TRIM33: variants seen among roughly 807,000 people sequenced by gnomAD.
TRIM33 encodes tripartite motif containing 33.
A neutral mutation model predicts 125.4 loss-of-function variants in TRIM33; 20 were observed. The ratio of observed to expected loss-of-function variants is 0.16; its 90% confidence interval spans 0.11 to 0.23. The LOEUF is 0.23. TRIM33 is among the 10% of genes least tolerant of loss of function. The pLI is 1.00. For missense variants in TRIM33, 920 were observed against 1,411.4 expected (o/e 0.65, Z 5.58); for synonymous variants, 564 against 513.9 (o/e 1.10, Z -1.32).
At position 114,394,105 on chromosome 1, in the gene TRIM33, G is replaced by A. The variant is rs1651417928; in HGVS notation, c.*3543C>T. On this transcript the variant is annotated 3_prime_UTR_variant, in exon 20 of 20. Coordinates refer to ENST00000358465, the MANE Select transcript of TRIM33 (RefSeq NM_015906.4). ...GCAGATCATTAACATAGATGGTACA[G>A]AAATTAAGAATTCATGGTATGAATT... The A allele has an allele frequency of 4.4e-6, 1 of 228,194 alleles. No individual in the cohort carries two copies. The highest frequency in any genetic ancestry group is 2.2e-5 in the African/African-American group (1 of 45,050). The allele number at this position is 228,194 out of a possible 1,614,324, so 14.1% of individuals were successfully genotyped here.
At chr1:114,479,243 A>C (rs938197105) in intron 1 of TRIM33, among the ~76,000 whole-genome samples, 4 of 152,198 alleles carry the variant, frequency 2.6e-5, no homozygotes, top group African/African-American at 4.8e-5. Flanking sequence ...AAATAGAAAA[A>C]ATGTTTGAAG....
intron 6 of TRIM33, among the ~76,000 whole-genome samples, chr1:114,429,189 A>G (rs1483351231): frequency 6.7e-6 from 1 of 150,012 alleles, no homozygotes; most frequent in African/African-American, 2.4e-5. Flanking sequence ...GCACAAGAGT[A>G]CTTTTTTTTT....
chr1:114,476,487 A>T (rs1052813105), intron 1 of TRIM33, among the ~76,000 whole-genome samples: 8 of 152,036 alleles, frequency 5.3e-5, no homozygotes, highest in African/African-American at 1.9e-4. Flanking sequence ...TTTCCTTGAC[A>T]AATTTTTTAA....
Position 114,433,610 on chromosome 1 carries a change from A to G in TRIM33, c.1040+7T>C, listed in dbSNP as rs376965954. On this transcript the variant is annotated splice_region_variant and intron_variant, in intron 5 of 19. Coordinates refer to ENST00000358465, the MANE Select transcript of TRIM33 (RefSeq NM_015906.4). ...TTAAAATTATGGTTTTAAGGCAACA[A>G]ACTTACCTATTCTGCACCTGAGTAG... is the stretch of plus-strand genomic sequence containing the variant. The G allele has an allele frequency of 2.1e-5, 33 of 1,553,506 alleles. No homozygotes were observed. Among genetic ancestry groups the G allele is most frequent in the Non-Finnish European group, 2.8e-5 (32 of 1,141,200 alleles).
intron 4 of TRIM33, among the ~76,000 whole-genome samples, chr1:114,443,145 A>C (rs1648759539): frequency 6.7e-6 from 1 of 148,336 alleles, no homozygotes; most frequent in Non-Finnish European, 1.5e-5. Flanking sequence ...GCACTTTGGG[A>C]GGCTGAGGCA....
chr1:114,461,313 T>A (rs11102795), intron 4 of TRIM33, among the ~76,000 whole-genome samples: 2,890 of 146,688 alleles, frequency 0.02, 90 homozygotes, highest in African/African-American at 0.068. Flanking sequence ...ATTTTATATT[T>A]TATATATATA....
rs1056754494 is a variant in TRIM33 at position 114,420,359 on chromosome 1, G to C, written c.2061+1077C>G. The C allele has an allele frequency of 3.8e-6, 5 of 1,315,010 alleles. No homozygotes were observed. The Admixed American group carries it at 9.1e-5, about 24-fold the overall frequency. The allele number at this position is 1,315,010 out of a possible 1,614,324, so 81.5% of individuals were successfully genotyped here. Reference sequence around the variant, plus strand: ...ACTGACTACCCCTTTGGATCTAACAGAAGAACAACAAAGATCTAACCACAT... The same window carrying C: ...ACTGACTACCCCTTTGGATCTAACACAAGAACAACAAAGATCTAACCACAT... On this transcript the variant is annotated intron_variant, in intron 11 of 19. Transcript: ENST00000358465.
chr1:114,483,716 T>G (rs1271135774), intron 1 of TRIM33, among the ~76,000 whole-genome samples: 1 of 152,092 alleles, frequency 6.6e-6, no homozygotes, highest in Non-Finnish European at 1.5e-5. Flanking sequence ...CCGGCCCCAG[T>G]TGGTTTTAAT....
intron 1 of TRIM33, among the ~76,000 whole-genome samples, chr1:114,482,928 T>G (rs1651446684): frequency 1.3e-5 from 2 of 152,204 alleles, no homozygotes; most frequent in Admixed American, 1.3e-4. Flanking sequence ...TTACCTAGTC[T>G]CAGGTATGTC....
chr1:114,449,401 G>C (rs1449971496), intron 4 of TRIM33, among the ~76,000 whole-genome samples: 1 of 152,218 alleles, frequency 6.6e-6, no homozygotes. Flanking sequence ...TGGAATTAAA[G>C]TGTGACAGAT....
chr1:114,461,394 C>T (rs1220635973), intron 4 of TRIM33, among the ~76,000 whole-genome samples: 1 of 149,558 alleles, frequency 6.7e-6, no homozygotes, highest in Non-Finnish European at 1.5e-5. Flanking sequence ...CAGGACTGAG[C>T]CCTTAACTTG....
intron 7 of TRIM33, 86 bp from the exon 8 acceptor site, chr1:114,427,380 C>A: frequency 1.4e-6 from 1 of 732,690 alleles, no homozygotes; most frequent in Non-Finnish European, 2.3e-6. Context: ...AAAAAAAGCA[C>A]ATATATTCCC....
chr1:114,504,046 G>C (rs1211085562), intron 1 of TRIM33, among the ~76,000 whole-genome samples: 1 of 152,078 alleles, frequency 6.6e-6, no homozygotes, highest in African/African-American at 2.4e-5. Flanking sequence ...GTTTCATAAA[G>C]GATATTAAGT....
At chr1:114,494,168 C>T (rs1233484819) in intron 1 of TRIM33, among the ~76,000 whole-genome samples, 1 of 151,818 alleles carries the variant, frequency 6.6e-6, no homozygotes, top group Non-Finnish European at 1.5e-5. Context: ...CACTATGTTG[C>T]CCAAGCGAGT....
At chr1:114,430,953 T>G (rs375918937) in intron 5 of TRIM33, 41 bp from the exon 6 acceptor site, 5 of 1,126,394 alleles carry the variant, frequency 4.4e-6, no homozygotes, top group Non-Finnish European at 6.7e-6. Context: ...CAACTTATCC[T>G]AGGTCTCTGA....
intron 1 of TRIM33, among the ~76,000 whole-genome samples, chr1:114,492,694 G>T (rs1652143488): frequency 6.6e-6 from 1 of 152,106 alleles, no homozygotes; most frequent in Non-Finnish European, 1.5e-5. Context: ...TCTTATGTCT[G>T]TCTTATTTCA....
chr1:114,407,451 G>A (rs768071707), intron 13 of TRIM33, among the ~76,000 whole-genome samples: 3 of 152,110 alleles, frequency 2.0e-5, no homozygotes, highest in Non-Finnish European at 4.4e-5. Flanking sequence ...ATTAGTACTA[G>A]AATATTATCC....
intron 1 of TRIM33, among the ~76,000 whole-genome samples, chr1:114,499,772 A>G (rs1652598093): frequency 6.6e-6 from 1 of 152,230 alleles, no homozygotes. Flanking sequence ...CACCCACAAC[A>G]AATGAGCAGG....
intron 1 of TRIM33, among the ~76,000 whole-genome samples, chr1:114,486,077 C>A (rs1043986529): frequency 2.6e-5 from 4 of 152,092 alleles, no homozygotes; most frequent in African/African-American, 9.7e-5. Context: ...AAGTTCGAGA[C>A]CAGCCTGGCC....
Sources: gnomAD v4.1 joint callset for allele counts (sites outside exome capture counted in the v4.1 genomes callset) on GRCh38, gnomAD v4.1.1 for gene constraint, MANE v1.5 for transcripts, NCBI Gene and HGNC (gene_info 2026-07-23, HGNC 2026-07-21) for gene names.